ALPK1: variants seen among roughly 807,000 people sequenced by gnomAD.
The protein encoded by ALPK1 is alpha kinase 1, also known as alpha-protein kinase 1.
A neutral mutation model predicts 120.6 loss-of-function variants in ALPK1; 110 were observed. That is an observed-to-expected ratio of 0.91 (90% CI 0.78 to 1.07). The LOEUF is 1.07. ALPK1 is among the 50% of genes least tolerant of loss of function. ALPK1 has a pLI of 0.00. For missense variants in ALPK1, 1,498 were observed against 1,483.9 expected (o/e 1.01, Z -0.16); for synonymous variants, 582 against 560.3 (o/e 1.04, Z -0.55).
rs568455467 is a variant in ALPK1 at position 112,315,852 on chromosome 4, G to T, written c.-101G>T. ...TGAAATCTAATGAACCGAAACTTTG[G>T]GTAAGTTTTCATATGAAACTTTTGA... On this transcript the variant is annotated splice_region_variant and 5_prime_UTR_variant, in exon 2 of 16. Coordinates refer to ENST00000650871, the MANE Select transcript of ALPK1 (RefSeq NM_025144.4). 1 of 152,016 alleles carries T rather than the reference G, an allele frequency of 6.6e-6. No homozygotes were observed. Among genetic ancestry groups the T allele is most frequent in the African/African-American group, 2.4e-5 (1 of 41,362 alleles). The allele number at this position is 152,016 out of a possible 1,614,324, so 9.4% of individuals were successfully genotyped here.
chr4:112,429,163 G>T lies in ALPK1; in HGVS notation c.810G>T (p.Glu270Asp), dbSNP rs759065657. 1 of 1,613,482 alleles carries T rather than the reference G, an allele frequency of 6.2e-7. No individual in the cohort carries two copies. Residue 270 changes from glutamate to aspartate, a missense_variant, in exon 10 of 16, where the codon GAG becomes GAT. By Grantham distance (45) the Glu-to-Asp change is conservative. Transcript: ENST00000650871. ...TTTTCTCACAGAGCCTGCTGAAGGA[G>T]TTTGACCACCATTTGCTGTCCGCTG... is the stretch of plus-strand genomic sequence containing the variant. Reference protein sequence around the residue: ...NPQINLSLLKEFDHHLLSAAE... With the variant: ...NPQINLSLLKDFDHHLLSAAE...
Position 112,387,137 on chromosome 4 carries a change from G to A in ALPK1, c.276+4585G>A, listed in dbSNP as rs550688438. Among the ~76,000 whole-genome samples, 15 of 152,336 alleles carry A rather than the reference G, an allele frequency of 9.8e-5. No individual in the cohort carries two copies. In the East Asian group the frequency reaches 2.9e-3, roughly 29 times the overall value. On this transcript the variant is annotated intron_variant, in intron 4 of 15. Transcript: ENST00000650871. ...GGAGTGCTAGCTAGGAAAACCCATA[G>A]AATGCTAACTTGCTGCTGAGATGCC...
chr4:112,363,367 T>C (rs1379090617), intron 2 of ALPK1, among the ~76,000 whole-genome samples: 1 of 152,146 alleles, frequency 6.6e-6, no homozygotes, highest in Non-Finnish European at 1.5e-5. Context: ...GGAAAAGATA[T>C]TGCATGCAAA....
chr4:112,335,614 G>T (rs1729581193), intron 2 of ALPK1, among the ~76,000 whole-genome samples: 1 of 152,146 alleles, frequency 6.6e-6, no homozygotes, highest in South Asian at 2.1e-4. Flanking sequence ...TGAGAGAGCT[G>T]CATAATGGAT....
At chr4:112,320,233 G>C (rs936406414) in intron 2 of ALPK1, among the ~76,000 whole-genome samples, 2 of 152,102 alleles carry the variant, frequency 1.3e-5, no homozygotes, top group African/African-American at 4.8e-5. Flanking sequence ...TGCCAATTTT[G>C]TTGAGGGTTT....
chr4:112,399,922 A>G (rs750297521), intron 4 of ALPK1, among the ~76,000 whole-genome samples: 13 of 152,216 alleles, frequency 8.5e-5, no homozygotes, highest in Non-Finnish European at 8.8e-5. Flanking sequence ...TGCAAAGGAC[A>G]TGGAGTCATT....
rs6845923 is a variant in ALPK1 at position 112,350,419 on chromosome 4, C to T, written c.-100-27259C>T. Among the ~76,000 whole-genome samples the T allele has an allele frequency of 6.4e-4, 97 of 152,292 alleles. 1 individual carries two copies. The highest frequency in any genetic ancestry group is 2.2e-3 in the African/African-American group (91 of 41,554). ...TTTCATGTACGTATCACACCAACAT[C>T]GGGACCCTCCCTCCTCCTACTCCAT... On this transcript the variant is annotated intron_variant, in intron 2 of 15. Coordinates refer to ENST00000650871, the MANE Select transcript of ALPK1 (RefSeq NM_025144.4).
chr4:112,347,990 T>C (rs1387251574), intron 2 of ALPK1, among the ~76,000 whole-genome samples: 3 of 152,146 alleles, frequency 2.0e-5, no homozygotes. Flanking sequence ...CAGATCGCCA[T>C]CCTCCTTATT....
At chr4:112,350,734 C>T (rs1331178022) in intron 2 of ALPK1, among the ~76,000 whole-genome samples, 1 of 152,208 alleles carries the variant, frequency 6.6e-6, no homozygotes, top group Non-Finnish European at 1.5e-5. Context: ...TCAGCTTACT[C>T]CTGCCTCTTC....
intron 4 of ALPK1, among the ~76,000 whole-genome samples, chr4:112,398,861 G>T (rs1732784521): frequency 6.6e-6 from 1 of 152,144 alleles, no homozygotes; most frequent in Admixed American, 6.6e-5. Context: ...GATGGATTGG[G>T]TGTAGAGGAC....
At chr4:112,299,256 T>C (rs1727683879) in intron 1 of ALPK1, among the ~76,000 whole-genome samples, 1 of 152,118 alleles carries the variant, frequency 6.6e-6, no homozygotes, top group Non-Finnish European at 1.5e-5. Flanking sequence ...CATTCTTCTA[T>C]GTCTGAAGAA....
intron 4 of ALPK1, 152 bp downstream of exon 4, chr4:112,382,704 C>T: frequency 9.0e-7 from 1 of 1,105,876 alleles, no homozygotes; most frequent in Non-Finnish European, 1.3e-6. Context: ...AGGGAAATAG[C>T]TGTTTGAAAA....
chr4:112,421,950 C>T (rs1734013219), intron 5 of ALPK1, among the ~76,000 whole-genome samples: 3 of 152,328 alleles, frequency 2.0e-5, no homozygotes, highest in Middle Eastern at 6.8e-3. Context: ...CTCTTTGGCA[C>T]ATCCAAATTG....
chr4:112,347,595 T>C (rs542944890), intron 2 of ALPK1, among the ~76,000 whole-genome samples: 3 of 152,364 alleles, frequency 2.0e-5, no homozygotes, highest in Admixed American at 6.5e-5. Context: ...AGTTGAATTA[T>C]ATAATTATGT....
chr4:112,361,928 T>A (rs1730932636), intron 2 of ALPK1, among the ~76,000 whole-genome samples: 1 of 152,118 alleles, frequency 6.6e-6, no homozygotes. Context: ...GTGCAGACAC[T>A]CCCCAGTACC....
At chr4:112,402,448 G>T (rs1732960751) in intron 4 of ALPK1, among the ~76,000 whole-genome samples, 1 of 152,170 alleles carries the variant, frequency 6.6e-6, no homozygotes, top group South Asian at 2.1e-4. Flanking sequence ...CTTAGAAAAG[G>T]CTCTTCAGCA....
chr4:112,362,003 C>T (rs1222555660), intron 2 of ALPK1, among the ~76,000 whole-genome samples: 2 of 152,234 alleles, frequency 1.3e-5, no homozygotes, highest in African/African-American at 4.8e-5. Flanking sequence ...TCACTGCAGT[C>T]TGGCTCTCAG....
intron 12 of ALPK1, 25 bp downstream of exon 12, chr4:112,435,326 A>G: frequency 6.3e-7 from 1 of 1,598,024 alleles, no homozygotes; most frequent in Non-Finnish European, 8.5e-7. Context: ...CATTTGTATA[A>G]CTAATGTAAG....
At chr4:112,322,369 T>G (rs531113013) in intron 2 of ALPK1, among the ~76,000 whole-genome samples, 1 of 152,354 alleles carries the variant, frequency 6.6e-6, no homozygotes, top group East Asian at 1.9e-4. Context: ...GCATCTTACC[T>G]TCTTTGAACA....
Sources: gnomAD v4.1 joint callset for allele counts (sites outside exome capture counted in the v4.1 genomes callset) on GRCh38, gnomAD v4.1.1 for gene constraint, MANE v1.5 for transcripts, NCBI Gene and HGNC (gene_info 2026-07-23, HGNC 2026-07-21) for gene names.